Variants in ADGRB3 observed in about 807,000 individuals in gnomAD.
The protein encoded by ADGRB3 is adhesion G protein-coupled receptor B3.
A neutral mutation model predicts 193.4 loss-of-function variants in ADGRB3; 37 were observed. The observed-to-expected ratio is 0.19, with a 90% confidence interval of 0.15 to 0.25. The LOEUF is 0.25. Ranked by LOEUF, ADGRB3 falls within the 10% of genes least tolerant of loss-of-function variation. The probability of loss-of-function intolerance (pLI) is 1.00; values close to 1 mark genes in which losing one functional copy is unlikely to be tolerated. For synonymous variants in ADGRB3, 690 were observed against 644.2 expected (o/e 1.07, Z -1.08); for missense variants, 1,637 against 1,852.9 (o/e 0.88, Z 2.14).
At chr6:68,967,746 G>A (rs1027110648) in intron 8 of ADGRB3, among the ~76,000 whole-genome samples, 1 of 152,088 alleles carries the variant, frequency 6.6e-6, no homozygotes, top group African/African-American at 2.4e-5. Context: ...ATGTATAGAT[G>A]TTACAAGGTG....
intron 15 of ADGRB3, among the ~76,000 whole-genome samples, chr6:69,057,197 T>C (rs1771569360): frequency 6.6e-6 from 1 of 152,124 alleles, no homozygotes; most frequent in Non-Finnish European, 1.5e-5. Flanking sequence ...AGATTGTTCA[T>C]TGATAATGTA....
At chr6:69,297,668 G>A (rs1366990065) in intron 20 of ADGRB3, among the ~76,000 whole-genome samples, 1 of 151,906 alleles carries the variant, frequency 6.6e-6, no homozygotes, top group Non-Finnish European at 1.5e-5. Context: ...GCAGAAAGAA[G>A]GGTGAATATG....
At chr6:68,752,474 T>C (rs1352209456) in intron 3 of ADGRB3, among the ~76,000 whole-genome samples, 1 of 151,976 alleles carries the variant, frequency 6.6e-6, no homozygotes, top group Non-Finnish European at 1.5e-5. Context: ...TGTTTCACCA[T>C]GTTGCCCAGA....
intron 20 of ADGRB3, among the ~76,000 whole-genome samples, chr6:69,282,648 A>G (rs1412318348): frequency 6.6e-6 from 1 of 152,220 alleles, no homozygotes; most frequent in Non-Finnish European, 1.5e-5. Flanking sequence ...ATTAATAATG[A>G]AACTACTGAG....
chr6:68,676,389 CAAAAA>C (rs70987431), intron 3 of ADGRB3, among the ~76,000 whole-genome samples: 25 of 84,636 alleles, frequency 3.0e-4, no homozygotes, highest in African/African-American at 1.2e-3. Context: ...GACTCTGTCT[CAAAAA>C]AAAAAAAAAA....
intron 17 of ADGRB3, among the ~76,000 whole-genome samples, chr6:69,129,222 G>C (rs1279234557): frequency 1.3e-5 from 2 of 152,064 alleles, no homozygotes; most frequent in African/African-American, 2.4e-5. Context: ...TAGTGTGTAA[G>C]GTAGCAAAAA....
At chr6:69,249,064 G>A (rs1313634247) in intron 20 of ADGRB3, among the ~76,000 whole-genome samples, 1 of 152,088 alleles carries the variant, frequency 6.6e-6, no homozygotes, top group African/African-American at 2.4e-5. Flanking sequence ...TGAAACCTCC[G>A]CCTCCCGGGT....
intron 17 of ADGRB3, among the ~76,000 whole-genome samples, chr6:69,093,656 G>A (rs548692572): frequency 6.7e-6 from 1 of 150,194 alleles, no homozygotes; most frequent in Non-Finnish European, 1.5e-5. Flanking sequence ...AGGGAGTGGG[G>A]TGGGCAGCCT....
chr6:69,259,695 CAAAAA>C (rs397887907), intron 20 of ADGRB3, among the ~76,000 whole-genome samples: 2 of 76,148 alleles, frequency 2.6e-5, no homozygotes, highest in African/African-American at 9.7e-5. Context: ...GACTCTGTCT[CAAAAA>C]AAAAAAAAAA....
chr6:68,840,212 A>T (rs1173669968), intron 3 of ADGRB3, among the ~76,000 whole-genome samples: 1 of 151,970 alleles, frequency 6.6e-6, no homozygotes, highest in Non-Finnish European at 1.5e-5. Flanking sequence ...GTGAACTAGT[A>T]AGACACCAAG....
At chr6:68,975,377 AT>A (rs774319854) in intron 10 of ADGRB3, 37 bp downstream of exon 10, 32 of 1,500,162 alleles carry the variant, frequency 2.1e-5, no homozygotes, top group Non-Finnish European at 3.0e-5. Context: ...TGCTCTGTTT[AT>A]TTTTTGCTAA....
chr6:69,058,429 A>G (rs528889886), intron 15 of ADGRB3, among the ~76,000 whole-genome samples: 15 of 151,328 alleles, frequency 9.9e-5, no homozygotes, highest in African/African-American at 3.6e-4. Context: ...TGGGTTTGCT[A>G]TTTTCTATTC....
At chr6:69,356,722 T>C (rs1769344518) in intron 28 of ADGRB3, among the ~76,000 whole-genome samples, 2 of 152,136 alleles carry the variant, frequency 1.3e-5, no homozygotes, top group Non-Finnish European at 2.9e-5. Flanking sequence ...GCATTGTCTG[T>C]ATGTGTATTA....
At chr6:69,117,419 C>T (rs1032578729) in intron 17 of ADGRB3, among the ~76,000 whole-genome samples, 1 of 152,110 alleles carries the variant, frequency 6.6e-6, no homozygotes, top group Non-Finnish European at 1.5e-5. Flanking sequence ...ATTTTTGTGG[C>T]TCTCAGGCTA....
intron 13 of ADGRB3, among the ~76,000 whole-genome samples, chr6:69,043,292 G>GAGAAAGAA (rs1486008350): frequency 5.8e-5 from 1 of 17,202 alleles, no homozygotes; most frequent in Non-Finnish European, 1.5e-4. Context: ...AAGAAAGAGA[G>GAGAAAGAA]AAAGAAAGAA....
intron 17 of ADGRB3, among the ~76,000 whole-genome samples, chr6:69,079,613 CTAG>C (rs1340078515): frequency 6.6e-6 from 1 of 151,864 alleles, no homozygotes; most frequent in Non-Finnish European, 1.5e-5. Flanking sequence ...GGGTATGCGA[CTAG>C]GAAAAGAGGA....
At chr6:68,702,386 G>A (rs1765255917) in intron 3 of ADGRB3, among the ~76,000 whole-genome samples, 1 of 152,082 alleles carries the variant, frequency 6.6e-6, no homozygotes, top group South Asian at 2.1e-4. Context: ...TCCAACATTG[G>A]GGAATATATT....
rs751825435 is a variant in ADGRB3 at position 69,048,229 on chromosome 6, A to G, written c.2152A>G (p.Ile718Val). Reference protein sequence around the residue: ...KLPAASVLTDINFPMKGRKGM... With the variant: ...KLPAASVLTDVNFPMKGRKGM... ...TCCTGCAGCCTCTGTTCTAACAGAC[A>G]TCAACTTTCCAATGAAAGGACGGAA... Residue 718 changes from isoleucine (I) to valine (V), a missense_variant, in exon 14 of 32, where the codon ATC becomes GTC. Physicochemically the swap from Ile to Val is conservative, Grantham distance 29 (BLOSUM62 3). Coordinates refer to ENST00000370598, the MANE Select transcript of ADGRB3 (RefSeq NM_001704.3). 7.2e-5 allele frequency: 116 copies of G among 1,613,554 alleles called. No individual in the cohort carries two copies. The highest frequency in any genetic ancestry group is 9.0e-5 in the Non-Finnish European group (106 of 1,179,706).
intron 17 of ADGRB3, among the ~76,000 whole-genome samples, chr6:69,221,207 G>A (rs779468): frequency 0.24 from 36,181 of 151,842 alleles, 5,204 homozygotes; most frequent in African/African-American, 0.4. Context: ...CATCAAAAAA[G>A]CCTTAATTTT....
Sources: allele counts gnomAD v4.1 joint callset (sites outside exome capture counted in the v4.1 genomes callset), GRCh38; gene constraint gnomAD v4.1.1; transcripts MANE v1.5; gene names NCBI Gene and HGNC (gene_info 2026-07-23, HGNC 2026-07-21).